RUFY2: variants seen among roughly 807,000 people sequenced by gnomAD.
The protein encoded by RUFY2 is RUN and FYVE domain-containing protein 2.
Under a neutral mutation model 94.4 loss-of-function variants are expected in RUFY2, and 49 were observed. The ratio of observed to expected loss-of-function variants is 0.52; its 90% CI spans 0.41 to 0.66. The LOEUF is 0.66. Ranked by LOEUF, RUFY2 falls within the 30% of genes least tolerant of loss-of-function variation. RUFY2 has a pLI of 0.00. For synonymous variants in RUFY2, 255 were observed against 235.7 expected (o/e 1.08, Z -0.75); for missense variants, 541 against 692.8 (o/e 0.78, Z 2.46).
At chr10:68,355,305 T>C (rs764945218) in intron 16 of RUFY2, 48 bp downstream of exon 16, 36 of 1,360,812 alleles carry the variant, frequency 2.6e-5, no homozygotes, top group South Asian at 1.1e-4. Flanking sequence ...TTACCTTCCA[T>C]TGGAGACTTT....
intron 7 of RUFY2, among the ~76,000 whole-genome samples, chr10:68,388,453 G>T (rs1279614638): frequency 6.6e-6 from 1 of 152,002 alleles, no homozygotes; most frequent in Admixed American, 6.6e-5. Context: ...ACAAGACTAA[G>T]ACTCCATAAA....
chr10:68,365,909 G>T lies in RUFY2; in HGVS notation c.1326-1796C>A, dbSNP rs929208443. 2.6e-5 allele frequency among the ~76,000 whole-genome samples: 4 copies of T among 152,142 alleles called. No homozygotes were observed. The East Asian group carries it at 7.7e-4, about 29-fold the overall frequency. On this transcript the variant is annotated intron_variant, in intron 13 of 17. Transcript: ENST00000602465. ...CAAAGCACACAGTACCCTGTTGAAT[G>T]GCCTCATCATCCAGAATCAGAAAAA...
At chr10:68,389,007 C>T (rs1201272709) in intron 7 of RUFY2, among the ~76,000 whole-genome samples, 1 of 152,088 alleles carries the variant, frequency 6.6e-6, no homozygotes, top group East Asian at 1.9e-4. Context: ...ATCTTCCCAC[C>T]TCAGCCTCCT....
intron 12 of RUFY2, chr10:68,377,513 T>C (rs2048756690): frequency 3.0e-6 from 2 of 666,796 alleles, no homozygotes. Flanking sequence ...GCCGAAGCTC[T>C]GTGTGTGTGT....
intron 1 of RUFY2, 172 bp downstream of exon 1, chr10:68,407,014 G>A: frequency 1.3e-6 from 2 of 1,493,234 alleles, no homozygotes; most frequent in Non-Finnish European, 8.9e-7. Context: ...GCGTTGCCAT[G>A]ACGACCCCGG....
At chr10:68,379,391 G>GA in intron 12 of RUFY2, 33 bp downstream of exon 12, 4 of 1,487,530 alleles carry the variant, frequency 2.7e-6, no homozygotes, top group East Asian at 2.3e-5. Flanking sequence ...AAGAAGAAAA[G>GA]AAAAAAAGAA....
chr10:68,402,411 C>A (rs1162979667), intron 2 of RUFY2, among the ~76,000 whole-genome samples: 2 of 152,068 alleles, frequency 1.3e-5, no homozygotes, highest in African/African-American at 4.8e-5. Context: ...GGGTGCCTAT[C>A]ATATACACTA....
At chr10:68,341,795 G>T, downstream of RUFY2, 1 of 1,610,270 alleles carries the variant, frequency 6.2e-7, no homozygotes, top group Non-Finnish European at 8.5e-7. Flanking sequence ...GGAAGAATGG[G>T]AATGGGGAAC....
intron 13 of RUFY2, among the ~76,000 whole-genome samples, chr10:68,375,242 A>C (rs2048546217): frequency 6.7e-6 from 1 of 148,256 alleles, no homozygotes; most frequent in South Asian, 2.2e-4. Flanking sequence ...TTTAAAAAAA[A>C]TGTTAGGGAG....
chr10:68,356,852 T>C (rs2047086556), intron 15 of RUFY2, among the ~76,000 whole-genome samples: 1 of 151,866 alleles, frequency 6.6e-6, no homozygotes, highest in Non-Finnish European at 1.5e-5. Context: ...CCTGGCATTT[T>C]CCACCTTTTG....
chr10:68,398,544 C>G (rs1231712165), intron 3 of RUFY2, among the ~76,000 whole-genome samples: 2 of 151,972 alleles, frequency 1.3e-5, no homozygotes, highest in Non-Finnish European at 2.9e-5. Flanking sequence ...CCCAGCTACT[C>G]GAGAGGCGGA....
In RUFY2 at chr10:68,386,121, C is replaced by T; in HGVS notation, c.658G>A (p.Val220Ile). Residue 220 changes from valine (V) to isoleucine (I), a missense_variant, in exon 8 of 18, where the codon GTC becomes ATC. By Grantham distance (29) the Val-to-Ile change is conservative. This residue lies in a region of RUFY2 where 403 missense variants were observed against 480.7 expected (regional missense o/e 0.84). Transcript: ENST00000602465. ...EELNRQLNST[V>I]SSLHSRVDSL... ...TCAACTCTTGAATGGAGGCTGCTGA[C>T]TGTGCTGCTGAAATTAAGAAACAAA... 6.2e-7 allele frequency: 1 copy of T among 1,607,980 alleles called. No individual in the cohort carries two copies. The highest frequency in any genetic ancestry group is 8.5e-7 in the Non-Finnish European group (1 of 1,178,036).
intron 16 of RUFY2, among the ~76,000 whole-genome samples, chr10:68,353,936 T>G (rs2046871969): frequency 6.6e-6 from 1 of 152,050 alleles, no homozygotes; most frequent in Non-Finnish European, 1.5e-5. Flanking sequence ...ATCCACCATA[T>G]GATGACGTTA....
In RUFY2 at chr10:68,345,648, TAAACTG is replaced by T. The variant is rs1257130664; in HGVS notation, c.*114_*119del. 2 of 785,268 alleles carry T rather than the reference TAAACTG, an allele frequency of 2.5e-6. No individual in the cohort carries two copies. Among genetic ancestry groups the T allele is most frequent in the Non-Finnish European group, 4.1e-6 (2 of 486,956 alleles). 48.6% of individuals were successfully genotyped at this position (785,268 alleles called of 1,614,324 possible). On this transcript the variant is annotated 3_prime_UTR_variant, in exon 18 of 18. Coordinates refer to ENST00000602465, the MANE Select transcript of RUFY2 (RefSeq NM_001330103.2). ...TTCCATGAGCTGAATATGTAGAAGA[TAAACTG>T]GTACCAAATACTGACCGAAAGCCGC... is the stretch of plus-strand genomic sequence containing the variant.
chr10:68,369,227 G>A (rs754820801), intron 13 of RUFY2, among the ~76,000 whole-genome samples: 1 of 152,224 alleles, frequency 6.6e-6, no homozygotes, highest in Non-Finnish European at 1.5e-5. Flanking sequence ...GCTCATGCCT[G>A]TAATCCCAGC....
intron 10 of RUFY2, among the ~76,000 whole-genome samples, chr10:68,382,215 A>AT (rs778111970): frequency 0.011 from 1,546 of 140,376 alleles, 28 homozygotes; most frequent in African/African-American, 0.03. Flanking sequence ...TGACTGGCTA[A>AT]TTTTTTTTTT....
intron 13 of RUFY2, among the ~76,000 whole-genome samples, chr10:68,366,740 A>G (rs1298393730): frequency 1.0e-5 from 1 of 97,086 alleles, no homozygotes; most frequent in Non-Finnish European, 2.0e-5. Context: ...AGACTCTAAA[A>G]TATATATATA....
intron 12 of RUFY2, chr10:68,377,814 G>A (rs1250272064): frequency 6.1e-6 from 6 of 985,154 alleles, no homozygotes; most frequent in Admixed American, 6.2e-5. Flanking sequence ...GAAATCACAA[G>A]AGAAATTTCG....
chr10:68,366,759 T>TATATATATATATATATATATATATATAA lies in RUFY2; in HGVS notation c.1326-2647_1326-2646insTTATATATATATATATATATATATATAT, dbSNP rs1235098742. On this transcript the variant is annotated intron_variant, in intron 13 of 17. Transcript: ENST00000602465. ...TCTAAAATATATATATATATATATA[T>TATATATATATATATATATATATATATAA]AATATTAAATATATTAAATAAATAA... Among the ~76,000 whole-genome samples the TATATATATATATATATATATATATATAA allele has an allele frequency of 2.0e-3, 257 of 131,702 alleles. 9 individuals are homozygous for TATATATATATATATATATATATATATAA. Among genetic ancestry groups the TATATATATATATATATATATATATATAA allele is most frequent in the Middle Eastern group, 7.6e-3 (2 of 264 alleles). 86.4% of individuals were successfully genotyped at this position (131,702 alleles called of 152,430 possible). A position where few individuals can be genotyped will look rare whatever the true frequency, so the allele number is the denominator to read the frequency against.
Sources: gnomAD v4.1 joint callset for allele counts (sites outside exome capture counted in the v4.1 genomes callset) on GRCh38, gnomAD v4.1.1 for gene constraint, gnomAD v4.1.1 regional missense constraint, MANE v1.5 for transcripts, NCBI Gene and HGNC (gene_info 2026-07-23, HGNC 2026-07-21) for gene names.